Variants in TTN observed in about 807,000 individuals in gnomAD.
TTN encodes connectin.
A neutral mutation model predicts 3,223.0 loss-of-function variants in TTN; 1,525 were observed. The ratio of observed to expected loss-of-function variants is 0.47; its 90% CI spans 0.45 to 0.49. The LOEUF is 0.49. Among genes scored for constraint, TTN ranks in the 20% least tolerant of loss-of-function variants. The pLI is 0.00. For synonymous variants in TTN, 14,094 were observed against 15,161.0 expected, an observed-to-expected ratio of 0.93 and a Z score of 5.17; for missense variants, 40,786 against 43,424.0, an observed-to-expected ratio of 0.94 and a Z score of 5.40.
At chr2:178,558,305 A>G in intron 327 of TTN, 36 bp downstream of exon 327, 1 of 1,593,020 alleles carries the variant, frequency 6.3e-7, no homozygotes. Context: ...AATGCAAATA[A>G]TTTCAAATTT....
rs372130156 is a variant in TTN, at chr2:178,677,836, G to T, written c.34076C>A (p.Pro11359His). The T allele has an allele frequency of 1.1e-5, 17 of 1,612,192 alleles. No individual in the cohort carries two copies. The highest frequency in any genetic ancestry group is 1.4e-5 in the Non-Finnish European group (16 of 1,178,968). ...TTCCTCAGGTAGAACTTCCTCTTCAGGAACAATTTCTTCTTCAAATAGAAC... is the reference window on the plus strand; with the variant it reads ...TTCCTCAGGTAGAACTTCCTCTTCATGAACAATTTCTTCTTCAAATAGAAC... ...EEVLFEEEIV[P>H]EEEVLPEEEE... The change falls in exon 146 of 363, where the codon CCT becomes CAT. Residue 11359 changes from proline (P) to histidine (H), a missense_variant. Coordinates refer to ENST00000589042, the MANE Select transcript of TTN (RefSeq NM_001267550.2).
chr2:178,565,978 A>G lies in TTN; in HGVS notation c.80154T>C (p.Tyr26718=). The part of the protein sequence containing the change: ...IIDGGAKVKN[Y]VIDKRESTRK... Reference sequence around the variant, plus strand: ...TGGTTGACTCACGTTTGTCAATCACATAGTTCTTGACCTTTGCCCCTCCAT... The same window carrying G: ...TGGTTGACTCACGTTTGTCAATCACGTAGTTCTTGACCTTTGCCCCTCCAT... The change falls in exon 326 of 363, where the codon TAT becomes TAC. Residue 26718 remains tyrosine, a synonymous_variant. Transcript: ENST00000589042. 6.2e-7 allele frequency: 1 copy of G among 1,613,646 alleles called. No individual in the cohort carries two copies. The highest frequency in any genetic ancestry group is 1.7e-5 in the Admixed American group (1 of 59,988).
Position 178,548,618 on chromosome 2 carries a change from C to G in TTN, c.93008G>C (p.Gly31003Ala), listed in dbSNP as rs1698144956. Reference sequence around the variant, plus strand: ...CACGGTGAATGTGATTGACTTACTACCACTGTTGTTTTCCACAGTAAGGGT... The same window carrying G: ...CACGGTGAATGTGATTGACTTACTAGCACTGTTGTTTTCCACAGTAAGGGT... ...KYTLTVENNS[G>A]SKSITFTVKV... is the part of the protein sequence containing the mutation. Residue 31003 changes from glycine (G) to alanine (A), a missense_variant, in exon 339 of 363, where the codon GGT becomes GCT. Physicochemically the swap from Gly to Ala is moderately conservative, Grantham distance 60. Coordinates refer to ENST00000589042, the MANE Select transcript of TTN (RefSeq NM_001267550.2). The surrounding 1 kb of genome is among the most constrained non-coding windows in gnomAD (Gnocchi z 4.3). 2.5e-6 allele frequency: 4 copies of G among 1,613,736 alleles called. No individual in the cohort carries two copies. Among genetic ancestry groups the G allele is most frequent in the Non-Finnish European group, 1.7e-6 (2 of 1,179,808 alleles).
At chr2:178,794,061 A>C (rs2093645393) in intron 8 of TTN, among the ~76,000 whole-genome samples, 1 of 152,178 alleles carries the variant, frequency 6.6e-6, no homozygotes, top group Non-Finnish European at 1.5e-5. Context: ...TTCCACATCC[A>C]GTGTGTGCAG....
At chr2:178,726,647 A>G (rs2079389792) in intron 69 of TTN, 1 of 153,746 alleles carries the variant, frequency 6.5e-6, no homozygotes, top group Admixed American at 6.5e-5. Flanking sequence ...AGAAGGAAAA[A>G]ATATTATTGT....
intron 330 of TTN, chr2:178,555,483 C>T: frequency 4.4e-6 from 1 of 229,262 alleles, no homozygotes; most frequent in South Asian, 7.8e-5. Context: ...TTCACTTTAG[C>T]TTTTCTTTCC....
In TTN at chr2:178,558,189, A is replaced by G. The variant is rs756211633; in HGVS notation, c.87165T>C (p.Tyr29055=). ...DMKNFPSHTV[Y]VRAGSNLKVD... ...CTTTAAGGTTTGAACCAGCTCTAAC[A>G]TATACAGTGTGACTTGGGAAATTCT... The change falls in exon 328 of 363, where the codon TAT becomes TAC. Residue 29055 remains tyrosine (Y), a synonymous_variant. Transcript: ENST00000589042. 4.3e-6 allele frequency: 7 copies of G among 1,612,712 alleles called. No homozygotes were observed. The African/African-American group carries it at 8.0e-5, about 18-fold the overall frequency.
At position 178,634,983 on chromosome 2, in the gene TTN, ATTTTACACAAATTGTTCAAGTTGTCCCC is replaced by A; in HGVS notation, c.42024+154_42025-135del. ...TAAGCAGAGAATTCCCTGTCATAAC[ATTTTACACAAATTGTTCAAGTTGTCCCC>A]AAATGATACGTAAAATTTCTTTCCT... is the stretch of plus-strand genomic sequence containing the variant. On this transcript the variant is annotated intron_variant, in intron 228 of 362. Transcript: ENST00000589042. This position sits in a 1 kb window ranked among gnomAD's most constrained non-coding sequence, Gnocchi z 4.6. 1 of 1,375,576 alleles carries A rather than the reference ATTTTACACAAATTGTTCAAGTTGTCCCC, an allele frequency of 7.3e-7. No individual in the cohort carries two copies. The highest frequency in any genetic ancestry group is 2.5e-5 in the East Asian group (1 of 40,566). The allele number at this position is 1,375,576 out of a possible 1,614,324, so 85.2% of individuals were successfully genotyped here. A position where few individuals can be genotyped will look rare whatever the true frequency, so the allele number is the denominator to read the frequency against.
At position 178,733,953 on chromosome 2, in the gene TTN, A is replaced by C. The variant is rs559934281; in HGVS notation, c.15497-61T>G. On this transcript the variant is annotated intron_variant, in intron 52 of 362. Transcript: ENST00000589042. ...TTCCCAAACACTTTCAACACCATCT[A>C]TATTTAAGAGTTTTTTCAAGATTAT... 89 of 1,454,184 alleles carry C rather than the reference A, an allele frequency of 6.1e-5. 1 individual carries two copies. The Middle Eastern group carries it at 1.3e-3, about 21-fold the overall frequency. 90.1% of individuals were successfully genotyped at this position (1,454,184 alleles called of 1,614,324 possible). A position where few individuals can be genotyped will look rare whatever the true frequency, so the allele number is the denominator to read the frequency against.
chr2:178,721,224 T>C, intron 78 of TTN, 22 bp from the exon 79 acceptor site: 1 of 1,548,440 alleles, frequency 6.5e-7, no homozygotes, highest in Non-Finnish European at 8.7e-7. Context: ...AACAAAACAG[T>C]CAGTAAGGGA....
At chr2:178,686,374 C>T (rs545803747) in intron 127 of TTN, among the ~76,000 whole-genome samples, 9 of 151,732 alleles carry the variant, frequency 5.9e-5, no homozygotes, top group African/African-American at 1.7e-4. Context: ...CCCGCCTCGG[C>T]CTCCCAAAGT....
intron 38 of TTN, among the ~76,000 whole-genome samples, chr2:178,768,430 T>G (rs986055619): frequency 6.6e-6 from 1 of 152,200 alleles, no homozygotes; most frequent in South Asian, 2.1e-4. Context: ...TCTTGGACAT[T>G]TCATATAAAT....
rs2060403983 is a variant in TTN, at chr2:178,636,103, G to C, written c.41468C>G (p.Pro13823Arg). The part of the protein sequence containing the change: ...RKDGKIVVEK[P>R]GRIVPGVIGL... ...AATGACGCCTGGCACAATTCGGCCA[G>C]GTTTCTCCACCACAATCTTGCCATC... Residue 13823 changes from proline (P) to arginine (R), a missense_variant, in exon 226 of 363, where the codon CCT (proline) becomes CGT (arginine). Transcript: ENST00000589042. This position sits in a 1 kb window ranked among gnomAD's most constrained non-coding sequence, Gnocchi z 4.3. The C allele has an allele frequency of 6.2e-7, 1 of 1,613,210 alleles. No individual in the cohort carries two copies. Among genetic ancestry groups the C allele is most frequent in the Non-Finnish European group, 8.5e-7 (1 of 1,179,512 alleles).
At chr2:178,770,755 TACTC>T (rs2091348557) in intron 34 of TTN, 80 bp from the exon 35 acceptor site, 1 of 1,521,950 alleles carries the variant, frequency 6.6e-7, no homozygotes. Context: ...GATCATTGCT[TACTC>T]ACCCTGCAAA....
chr2:178,650,169 G>A lies in TTN; in HGVS notation c.39812C>T (p.Pro13271Leu). The change falls in exon 210 of 363, where the codon CCA (proline) becomes CTA (leucine). Residue 13271 changes from proline to leucine, a missense_variant. Coordinates refer to ENST00000589042, the MANE Select transcript of TTN (RefSeq NM_001267550.2). Reference protein sequence around the residue: ...AEEEEPEVPPPAVPEEPKKII... With the variant: ...AEEEEPEVPPLAVPEEPKKII... The stretch of plus-strand genomic sequence containing the variant: ...CAGTGGATTCTGCTTTGTACCTGCT[G>A]GAGGTGGAACCTCTGGTTCCTCCTC... The A allele has an allele frequency of 6.3e-7, 1 of 1,578,626 alleles. No homozygotes were observed. Among genetic ancestry groups the A allele is most frequent in the Admixed American group, 1.8e-5 (1 of 55,692 alleles).
At chr2:178,587,043 A>G in intron 307 of TTN, 75 bp downstream of exon 307, 1 of 1,554,194 alleles carries the variant, frequency 6.4e-7, no homozygotes. Context: ...GAAGTGGATT[A>G]AAATGGTATT....
rs758051666 is a variant in TTN, at chr2:178,533,480, T to C, written c.103135A>G (p.Ser34379Gly). The part of the protein sequence containing the change: ...LANAECQEGQ[S>G]VCFEIRVSGI... Reference sequence around the variant, plus strand: ...GACACTCTGATCTCAAAGCAGACACTTTGGCCTTCTTGGCATTCTGCATTT... The same window carrying C: ...GACACTCTGATCTCAAAGCAGACACCTTGGCCTTCTTGGCATTCTGCATTT... Residue 34379 changes from serine (S) to glycine (G), a missense_variant, in exon 358 of 363, where the codon AGT becomes GGT. Physicochemically the swap from Ser to Gly is moderately conservative, Grantham distance 56 (BLOSUM62 0). Transcript: ENST00000589042. 6.2e-7 allele frequency: 1 copy of C among 1,613,322 alleles called. No individual in the cohort carries two copies. Among genetic ancestry groups the C allele is most frequent in the Non-Finnish European group, 8.5e-7 (1 of 1,179,444 alleles).
Position 178,530,435 on chromosome 2 carries a change from T to G in TTN, c.106180A>C (p.Lys35394Gln), listed in dbSNP as rs745753316. 6.2e-7 allele frequency: 1 copy of G among 1,614,024 alleles called. No homozygotes were observed. The highest frequency in any genetic ancestry group is 1.1e-5 in the South Asian group (1 of 91,084). Reference sequence around the variant, plus strand: ...GACTCAGTGGTTTTCTGATCTGATTTCTTAGTTTCTGATATTTTTGATACC... The same window carrying G: ...GACTCAGTGGTTTTCTGATCTGATTGCTTAGTTTCTGATATTTTTGATACC... ...EKVSKISETKKSDQKTTESTV... is the reference protein window; with the variant it reads ...EKVSKISETKQSDQKTTESTV... Residue 35394 changes from lysine to glutamine, a missense_variant, in exon 358 of 363, where the codon AAA (lysine) becomes CAA (glutamine). Physicochemically the swap from Lys to Gln is moderately conservative, Grantham distance 53. Transcript: ENST00000589042.
At chr2:178,556,431 AAAAC>A (rs372018605) in intron 330 of TTN, 344 of 215,192 alleles carry the variant, frequency 1.6e-3, no homozygotes, top group Middle Eastern at 8.3e-3. Context: ...ACTCTGTCTC[AAAAC>A]AAACAAACAA....
Sources: gnomAD v4.1 joint callset for allele counts (sites outside exome capture counted in the v4.1 genomes callset) on GRCh38, gnomAD v4.1.1 for gene constraint, Gnocchi (gnomAD v3.1) non-coding constraint, MANE v1.5 for transcripts, NCBI Gene and HGNC (gene_info 2026-07-23, HGNC 2026-07-21) for gene names.